PLA2G4A: variants seen among roughly 807,000 people sequenced by gnomAD.
The protein encoded by PLA2G4A is phospholipase A2 group IVA.
In PLA2G4A, 40 loss-of-function variants were observed where a neutral mutation model predicts 81.9. The observed-to-expected ratio is 0.49, with a 90% CI of 0.38 to 0.64. PLA2G4A has a LOEUF of 0.64. PLA2G4A is among the 30% of genes least tolerant of loss of function. The pLI, the probability that PLA2G4A is intolerant of heterozygous loss-of-function variation, is 0.00. For missense variants in PLA2G4A, 715 were observed against 905.1 expected, an observed-to-expected ratio of 0.79 and a Z score of 2.69; for synonymous variants, 302 against 296.9, an observed-to-expected ratio of 1.02 and a Z score of -0.18.
intron 8 of PLA2G4A, 103 bp downstream of exon 8, chr1:186,933,002 A>G: frequency 1.1e-6 from 1 of 870,992 alleles, no homozygotes; most frequent in Non-Finnish European, 1.9e-6. Context: ...TTGATCATTA[A>G]TTTAAATTAC....
chr1:186,864,645 G>GATTATTATTATTATTATT (rs75963523), intron 2 of PLA2G4A, among the ~76,000 whole-genome samples: 3 of 147,160 alleles, frequency 2.0e-5, no homozygotes, highest in South Asian at 2.1e-4. Flanking sequence ...TTAAAAATCA[G>GATTATTATTATTATTATT]ATTATTATTA....
At position 186,979,379 on chromosome 1, in the gene PLA2G4A, A is replaced by G. The variant is rs1316824003; in HGVS notation, c.2025A>G (p.Glu675=). ...IADFDIFDDP[E]SPFSTFNFQY... The stretch of plus-strand genomic sequence containing the variant: ...ACTTTGATATTTTTGATGACCCAGA[A>G]TCACCATTTTCAACCTTCAATTTTC... The change falls in exon 17 of 18, where the codon GAA becomes GAG. Residue 675 remains glutamate, a synonymous_variant. Transcript: ENST00000367466. 1 of 1,609,468 alleles carries G rather than the reference A, an allele frequency of 6.2e-7. No individual in the cohort carries two copies. Among genetic ancestry groups the G allele is most frequent in the Non-Finnish European group, 8.5e-7 (1 of 1,175,812 alleles).
intron 15 of PLA2G4A, among the ~76,000 whole-genome samples, chr1:186,971,515 T>G (rs1183185179): frequency 1.3e-5 from 2 of 152,120 alleles, no homozygotes; most frequent in South Asian, 2.1e-4. Context: ...TTATATTTTC[T>G]GACACTTAAT....
intron 2 of PLA2G4A, among the ~76,000 whole-genome samples, chr1:186,861,612 G>C (rs2102041964): frequency 6.6e-6 from 1 of 152,228 alleles, no homozygotes; most frequent in African/African-American, 2.4e-5. Context: ...TCAGTCAGTA[G>C]TGCCTCCAGA....
At chr1:186,978,011 C>A (rs1280431560) in intron 16 of PLA2G4A, among the ~76,000 whole-genome samples, 2 of 152,164 alleles carry the variant, frequency 1.3e-5, no homozygotes, top group African/African-American at 4.8e-5. Flanking sequence ...AAGTCAACAA[C>A]CAGTTTAGCA....
At chr1:186,903,563 C>A (rs901379766) in intron 5 of PLA2G4A, among the ~76,000 whole-genome samples, 1 of 152,092 alleles carries the variant, frequency 6.6e-6, no homozygotes, top group Non-Finnish European at 1.5e-5. Flanking sequence ...ATTGCTGCTC[C>A]GCCTCCTGTA....
At chr1:186,905,774 T>C (rs1654711396) in intron 5 of PLA2G4A, among the ~76,000 whole-genome samples, 1 of 152,244 alleles carries the variant, frequency 6.6e-6, no homozygotes, top group Non-Finnish European at 1.5e-5. Context: ...CCAAATACTA[T>C]ACAATGGACT....
chr1:186,893,136 C>T lies in PLA2G4A; in HGVS notation c.241C>T (p.Pro81Ser), dbSNP rs1010465397. ...TGAGACCTTTGAATTTATTTTGGATCCTAATCAGGAAAATGTTTTGGAGGT... is the reference window on the plus strand; with the variant it reads ...TGAGACCTTTGAATTTATTTTGGATTCTAATCAGGAAAATGTTTTGGAGGT... ...WNETFEFILD[P>S]NQENVLEITL... The change falls in exon 4 of 18, where the codon CCT (proline) becomes TCT (serine). Residue 81 changes from proline (P) to serine (S), a missense_variant. Physicochemically the swap from Pro to Ser is moderately conservative, Grantham distance 74 (BLOSUM62 -1). Transcript: ENST00000367466. 6.2e-7 allele frequency: 1 copy of T among 1,612,402 alleles called. No homozygotes were observed. Among genetic ancestry groups the T allele is most frequent in the Non-Finnish European group, 8.5e-7 (1 of 1,178,680 alleles).
At chr1:186,961,478 C>T (rs1324118077) in intron 14 of PLA2G4A, among the ~76,000 whole-genome samples, 2 of 139,032 alleles carry the variant, frequency 1.4e-5, no homozygotes, top group African/African-American at 5.5e-5. Context: ...TATTTGTCTA[C>T]AAAATAAAAA....
At chr1:186,860,414 A>G (rs1391988452) in intron 2 of PLA2G4A, among the ~76,000 whole-genome samples, 2 of 41,796 alleles carry the variant, frequency 4.8e-5, no homozygotes, top group Non-Finnish European at 9.2e-5. Flanking sequence ...ACAAAATGCA[A>G]GGAGCTGTCT....
chr1:186,878,195 ATC>A (rs1444322777), intron 3 of PLA2G4A, among the ~76,000 whole-genome samples: 2 of 143,854 alleles, frequency 1.4e-5, no homozygotes, highest in African/African-American at 2.5e-5. Context: ...TTTTATATAT[ATC>A]TATATAAATA....
chr1:186,894,607 G>C (rs561137393), intron 5 of PLA2G4A, among the ~76,000 whole-genome samples: 1 of 152,244 alleles, frequency 6.6e-6, no homozygotes, highest in South Asian at 2.1e-4. Flanking sequence ...AGTGGAAAAT[G>C]TTAGGAAATT....
chr1:186,979,267 T>A (rs1020631481), intron 16 of PLA2G4A, 48 bp from the exon 17 acceptor site: 1 of 1,391,434 alleles, frequency 7.2e-7, no homozygotes, highest in Non-Finnish European at 1.0e-6. Flanking sequence ...TTTAGAGATA[T>A]TTTGTAGTTT....
chr1:186,837,378 G>A (rs763082852), intron 1 of PLA2G4A, among the ~76,000 whole-genome samples: 16 of 152,012 alleles, frequency 1.1e-4, no homozygotes, highest in Admixed American at 3.9e-4. Context: ...GCAGGGAAAA[G>A]GAATATGGAG....
chr1:186,957,078 G>A (rs1196635658), intron 14 of PLA2G4A, among the ~76,000 whole-genome samples: 1 of 150,004 alleles, frequency 6.7e-6, no homozygotes, highest in Non-Finnish European at 1.5e-5. Context: ...CTTGAACCTG[G>A]GAGGCAGACA....
intron 14 of PLA2G4A, among the ~76,000 whole-genome samples, chr1:186,960,419 C>T (rs12125857): frequency 0.21 from 32,145 of 152,158 alleles, 3,942 homozygotes; most frequent in Admixed American, 0.33. Context: ...TATGTTTCCA[C>T]AACCGCATTA....
intron 3 of PLA2G4A, among the ~76,000 whole-genome samples, chr1:186,886,090 G>A (rs755910664): frequency 6.6e-6 from 1 of 152,056 alleles, no homozygotes; most frequent in Non-Finnish European, 1.5e-5. Flanking sequence ...TCTTTGAGGT[G>A]TGGAAATAAA....
At position 186,882,976 on chromosome 1, in the gene PLA2G4A, T is replaced by C. The variant is rs527807434; in HGVS notation, c.116-10035T>C. On this transcript the variant is annotated intron_variant, in intron 3 of 17. Transcript: ENST00000367466. ...AAATAGGAAAGAAAGTGAGGAAAAA[T>C]AACAAGTTTTTATTTTAGTTTTTTT... Among the ~76,000 whole-genome samples the C allele has an allele frequency of 4.7e-5, 7 of 150,278 alleles. No homozygotes were observed. In the South Asian group the frequency reaches 1.3e-3, roughly 27 times the overall value.
intron 15 of PLA2G4A, 135 bp from the exon 16 acceptor site, chr1:186,977,458 G>T: frequency 1.5e-6 from 1 of 661,196 alleles, no homozygotes; most frequent in South Asian, 1.7e-5. Context: ...CCTGAGAACA[G>T]GGTCGTGATT....
Sources: gnomAD v4.1 joint callset for allele counts (sites outside exome capture counted in the v4.1 genomes callset) on GRCh38, gnomAD v4.1.1 for gene constraint, MANE v1.5 for transcripts, NCBI Gene and HGNC (gene_info 2026-07-23, HGNC 2026-07-21) for gene names.